Variants in PLEKHA7 observed in about 807,000 individuals in gnomAD.
PLEKHA7 encodes the protein pleckstrin homology domain-containing family A member 7.
In PLEKHA7, 104 loss-of-function variants were observed where a neutral mutation model predicts 170.0. That is an observed-to-expected ratio of 0.61 (90% CI 0.52 to 0.72). PLEKHA7 has a LOEUF of 0.72. PLEKHA7 is among the 30% of genes least tolerant of loss of function. PLEKHA7 has a pLI of 0.00. For synonymous variants in PLEKHA7, 648 were observed against 660.8 expected (o/e 0.98, Z 0.30); for missense variants, 1,615 against 1,671.7 (o/e 0.97, Z 0.59).
chr11:16,972,693 T>C (rs917956718), intron 3 of PLEKHA7, among the ~76,000 whole-genome samples: 2 of 152,178 alleles, frequency 1.3e-5, no homozygotes, highest in African/African-American at 4.8e-5. Context: ...AGTGCTGGGA[T>C]TACAGGTGTG....
intron 10 of PLEKHA7, among the ~76,000 whole-genome samples, chr11:16,821,865 T>C (rs893418859): frequency 6.6e-6 from 1 of 152,226 alleles, no homozygotes; most frequent in Admixed American, 6.5e-5. Flanking sequence ...ATTCACTTTC[T>C]AGCCCATTGA....
At chr11:16,964,510 C>T (rs1040020485) in intron 3 of PLEKHA7, among the ~76,000 whole-genome samples, 19 of 152,198 alleles carry the variant, frequency 1.2e-4, no homozygotes, top group Non-Finnish European at 1.2e-4. Context: ...CAGCCTTTCC[C>T]TCATACCCCA....
In PLEKHA7 at chr11:16,968,868, CG is replaced by C. The variant is rs200690204; in HGVS notation, c.221+45120del. Among the ~76,000 whole-genome samples the C allele has an allele frequency of 8.4e-3, 1,274 of 152,296 alleles. 29 individuals carry two copies. Among genetic ancestry groups the C allele is most frequent in the African/African-American group, 0.029 (1,195 of 41,544 alleles). Reference sequence around the variant, plus strand: ...GCTAGTACCTGACAGCCTCCAGAAACGGATCTACTACTGCTTTCTCTAATAT... The same window carrying C: ...GCTAGTACCTGACAGCCTCCAGAAACGATCTACTACTGCTTTCTCTAATAT... On this transcript the variant is annotated intron_variant, in intron 3 of 26. Transcript: ENST00000531066.
intron 3 of PLEKHA7, among the ~76,000 whole-genome samples, chr11:16,944,147 A>G (rs1860867454): frequency 6.6e-6 from 1 of 152,004 alleles, no homozygotes; most frequent in Non-Finnish European, 1.5e-5. Flanking sequence ...TGAGGTCAGG[A>G]GTTCGAGACT....
At chr11:16,920,718 G>A (rs1052301018) in intron 3 of PLEKHA7, among the ~76,000 whole-genome samples, 2 of 152,326 alleles carry the variant, frequency 1.3e-5, no homozygotes, top group East Asian at 1.9e-4. Context: ...TTCCAGTAAA[G>A]TGACAGGAAC....
intron 17 of PLEKHA7, among the ~76,000 whole-genome samples, chr11:16,796,693 G>A (rs1564920539): frequency 6.6e-6 from 1 of 152,160 alleles, no homozygotes; most frequent in Non-Finnish European, 1.5e-5. Context: ...GGGTCACTTT[G>A]TTGCCCAGGT....
chr11:16,843,010 C>T (rs751082628), intron 8 of PLEKHA7, among the ~76,000 whole-genome samples: 5 of 152,230 alleles, frequency 3.3e-5, no homozygotes, highest in Non-Finnish European at 5.9e-5. Flanking sequence ...TTGTTTATTA[C>T]CTGCTTATCA....
chr11:16,797,848 G>GC (rs879533157), intron 17 of PLEKHA7, among the ~76,000 whole-genome samples: 6 of 152,068 alleles, frequency 3.9e-5, no homozygotes, highest in Non-Finnish European at 5.9e-5. Flanking sequence ...CCACTTTCTT[G>GC]CCCCCCTGAT....
At chr11:16,877,177 A>C (rs1020896995) in intron 3 of PLEKHA7, among the ~76,000 whole-genome samples, 2 of 152,174 alleles carry the variant, frequency 1.3e-5, no homozygotes, top group Non-Finnish European at 2.9e-5. Flanking sequence ...TGGCTCCCAG[A>C]ACACTGTAAA....
chr11:16,920,014 G>T (rs1400616004), intron 3 of PLEKHA7, among the ~76,000 whole-genome samples: 4 of 152,160 alleles, frequency 2.6e-5, no homozygotes, highest in Non-Finnish European at 4.4e-5. Context: ...AGCTTGGGTG[G>T]CTGCTAGTTT....
At chr11:16,810,770 C>T (rs1031152532) in intron 13 of PLEKHA7, among the ~76,000 whole-genome samples, 1 of 152,144 alleles carries the variant, frequency 6.6e-6, no homozygotes, top group Admixed American at 6.6e-5. Context: ...AAACATAAGG[C>T]CTTTGGGTAC....
chr11:16,941,897 C>T (rs1860718197), intron 3 of PLEKHA7, among the ~76,000 whole-genome samples: 1 of 152,252 alleles, frequency 6.6e-6, no homozygotes, highest in Admixed American at 6.5e-5. Context: ...ACAAACACAT[C>T]TTGAACTCCT....
At chr11:16,934,460 C>T (rs544811101) in intron 3 of PLEKHA7, among the ~76,000 whole-genome samples, 1 of 152,306 alleles carries the variant, frequency 6.6e-6, no homozygotes, top group East Asian at 1.9e-4. Flanking sequence ...GAACATGAAG[C>T]AGCCCATGTT....
At chr11:16,975,938 G>A (rs1863034347) in intron 3 of PLEKHA7, among the ~76,000 whole-genome samples, 1 of 152,170 alleles carries the variant, frequency 6.6e-6, no homozygotes, top group Non-Finnish European at 1.5e-5. Flanking sequence ...CCCATTCTAG[G>A]ACTCACATCA....
chr11:16,869,113 G>C (rs1316490934), intron 4 of PLEKHA7, among the ~76,000 whole-genome samples: 2 of 152,168 alleles, frequency 1.3e-5, no homozygotes, highest in African/African-American at 4.8e-5. Flanking sequence ...CATTCTGAGC[G>C]GAATTTGGGG....
At chr11:16,856,012 A>C in intron 4 of PLEKHA7, 98 bp from the exon 5 acceptor site, 1 of 984,758 alleles carries the variant, frequency 1.0e-6, no homozygotes, top group Non-Finnish European at 1.6e-6. Flanking sequence ...GTTGGGCCTT[A>C]GAACAACCCA....
At position 16,791,774 on chromosome 11, in the gene PLEKHA7, G is replaced by A; in HGVS notation, c.2746-575C>T. On this transcript the variant is annotated intron_variant, in intron 19 of 26. Coordinates refer to ENST00000531066, the MANE Select transcript of PLEKHA7 (RefSeq NM_001329630.2). This position sits in a 1 kb window ranked among gnomAD's most constrained non-coding sequence, Gnocchi z 4.5. ...CTCCTTCCTGACTCAGACAGAACAGGCGGTCAGGATGAGTGACTCACTGCC... is the reference window on the plus strand; with the variant it reads ...CTCCTTCCTGACTCAGACAGAACAGACGGTCAGGATGAGTGACTCACTGCC... 4.7e-6 allele frequency: 2 copies of A among 427,572 alleles called. No homozygotes were observed. Among genetic ancestry groups the A allele is most frequent in the South Asian group, 3.4e-5 (2 of 58,558 alleles). 26.5% of individuals were successfully genotyped at this position (427,572 alleles called of 1,614,324 possible). A position where few individuals can be genotyped will look rare whatever the true frequency, so the allele number is the denominator to read the frequency against.
chr11:16,921,652 C>T (rs1381803665), intron 3 of PLEKHA7, among the ~76,000 whole-genome samples: 1 of 152,176 alleles, frequency 6.6e-6, no homozygotes, highest in East Asian at 1.9e-4. Flanking sequence ...TCAACTTCTT[C>T]ATTAATGAAA....
At chr11:16,985,011 C>T (rs910841828) in intron 3 of PLEKHA7, among the ~76,000 whole-genome samples, 2 of 152,236 alleles carry the variant, frequency 1.3e-5, no homozygotes, top group Admixed American at 6.5e-5. Context: ...CATCTTCTTT[C>T]ATCAAAAGGA....
Sources: gnomAD v4.1 joint callset for allele counts (sites outside exome capture counted in the v4.1 genomes callset) on GRCh38, gnomAD v4.1.1 for gene constraint, Gnocchi (gnomAD v3.1) non-coding constraint, MANE v1.5 for transcripts, NCBI Gene and HGNC (gene_info 2026-07-23, HGNC 2026-07-21) for gene names.